PDE3A: variants seen among roughly 807,000 people sequenced by gnomAD.
PDE3A encodes cGMP-inhibited 3',5'-cyclic phosphodiesterase 3A.
A neutral mutation model predicts 98.3 loss-of-function variants in PDE3A; 43 were observed. The ratio of observed to expected loss-of-function variants is 0.44; its 90% confidence interval spans 0.34 to 0.56. The LOEUF is 0.56. Ranked by LOEUF, PDE3A falls within the 20% of genes least tolerant of loss-of-function variation. PDE3A has a pLI of 0.01. For missense variants in PDE3A, 1,427 were observed against 1,440.7 expected (o/e 0.99, Z 0.15); for synonymous variants, 663 against 567.9 (o/e 1.17, Z -2.38).
At chr12:20,548,975 A>G (rs1045750264) in intron 1 of PDE3A, among the ~76,000 whole-genome samples, 15 of 151,638 alleles carry the variant, frequency 9.9e-5, no homozygotes, top group African/African-American at 3.6e-4. Context: ...ATTTTTTTTT[A>G]TTTGTTGTAA....
intron 1 of PDE3A, among the ~76,000 whole-genome samples, chr12:20,374,201 G>T (rs142267879): frequency 2.0e-5 from 3 of 152,030 alleles, no homozygotes; most frequent in Non-Finnish European, 4.4e-5. Flanking sequence ...TGAAGGAAAA[G>T]AATTTTTTGT....
chr12:20,516,985 A>G (rs564268329), intron 1 of PDE3A, among the ~76,000 whole-genome samples: 1 of 152,346 alleles, frequency 6.6e-6, no homozygotes, highest in Middle Eastern at 3.4e-3. Context: ...CTCTTTGTAC[A>G]GATGGGAAAA....
At chr12:20,411,537 T>C (rs533239230) in intron 1 of PDE3A, among the ~76,000 whole-genome samples, 1 of 152,186 alleles carries the variant, frequency 6.6e-6, no homozygotes, top group South Asian at 2.1e-4. Context: ...TTCCTATCTT[T>C]ATGCTGTCGC....
intron 1 of PDE3A, among the ~76,000 whole-genome samples, chr12:20,487,197 G>T (rs1231961260): frequency 6.6e-6 from 1 of 151,836 alleles, no homozygotes; most frequent in South Asian, 2.1e-4. Flanking sequence ...TAGAACTAAA[G>T]AATAATTTAA....
At chr12:20,450,168 G>A in intron 1 of PDE3A, 2 of 345,024 alleles carry the variant, frequency 5.8e-6, no homozygotes, top group Admixed American at 4.4e-5. Context: ...ATTTTGTTGA[G>A]CTTGATGCTT....
At chr12:20,500,471 A>C (rs1946001276) in intron 1 of PDE3A, among the ~76,000 whole-genome samples, 1 of 152,182 alleles carries the variant, frequency 6.6e-6, no homozygotes, top group South Asian at 2.1e-4. Flanking sequence ...TATTACTGAA[A>C]AACAGTTCAT....
rs1407174120 is a variant in PDE3A at position 20,685,096 on chromosome 12, A to T, written c.*4825A>T. The stretch of plus-strand genomic sequence containing the variant: ...CCCACCAGCAAATCATTCTAACAGC[A>T]GGCTAACAATGGTGAAGTAAAATGA... On this transcript the variant is annotated 3_prime_UTR_variant, in exon 16 of 16. Transcript: ENST00000359062. 1.3e-5 allele frequency among the ~76,000 whole-genome samples: 2 copies of T among 152,188 alleles called. No individual in the cohort carries two copies. The highest frequency in any genetic ancestry group is 2.9e-5 in the Non-Finnish European group (2 of 68,038).
At chr12:20,549,048 T>A (rs1374958212) in intron 1 of PDE3A, among the ~76,000 whole-genome samples, 1 of 152,136 alleles carries the variant, frequency 6.6e-6, no homozygotes, top group Non-Finnish European at 1.5e-5. Context: ...TGGTTCTGTT[T>A]AATAGGAGTA....
chr12:20,452,934 A>G (rs558588275), intron 1 of PDE3A, among the ~76,000 whole-genome samples: 14 of 152,332 alleles, frequency 9.2e-5, no homozygotes, highest in Admixed American at 5.9e-4. Flanking sequence ...CCTGCTAAAG[A>G]CACTGCTAAT....
At chr12:20,609,095 T>C (rs1943784207) in intron 2 of PDE3A, among the ~76,000 whole-genome samples, 1 of 152,010 alleles carries the variant, frequency 6.6e-6, no homozygotes, top group East Asian at 1.9e-4. Flanking sequence ...AGTGGCATTT[T>C]TACAAACATT....
At chr12:20,652,968 A>G (rs1210980860) in intron 14 of PDE3A, among the ~76,000 whole-genome samples, 1 of 152,214 alleles carries the variant, frequency 6.6e-6, no homozygotes, top group Non-Finnish European at 1.5e-5. Context: ...AATGGGATTA[A>G]TTCATAAATC....
chr12:20,533,959 C>G (rs1484293930), intron 1 of PDE3A, among the ~76,000 whole-genome samples: 1 of 152,036 alleles, frequency 6.6e-6, no homozygotes, highest in Non-Finnish European at 1.5e-5. Flanking sequence ...GTGCGCCCGT[C>G]TTTTTTCTGA....
chr12:20,472,601 C>T (rs1175391898), intron 1 of PDE3A, among the ~76,000 whole-genome samples: 1 of 152,106 alleles, frequency 6.6e-6, no homozygotes, highest in Non-Finnish European at 1.5e-5. Context: ...ATTATCACAG[C>T]TGCAACTCAT....
At chr12:20,611,290 C>A (rs1943846154) in intron 2 of PDE3A, among the ~76,000 whole-genome samples, 2 of 151,776 alleles carry the variant, frequency 1.3e-5, no homozygotes. Context: ...ATTAATATTA[C>A]ACTTAAATTT....
chr12:20,601,233 TG>T (rs1555097950), intron 2 of PDE3A, among the ~76,000 whole-genome samples: 1 of 70,902 alleles, frequency 1.4e-5, no homozygotes, highest in African/African-American at 7.3e-5. Context: ...CAAGGCTTTT[TG>T]TTTGTTTGTT....
chr12:20,589,686 G>A (rs1943281859), intron 2 of PDE3A, among the ~76,000 whole-genome samples: 1 of 151,624 alleles, frequency 6.6e-6, no homozygotes, highest in African/African-American at 2.4e-5. Context: ...GGCTAACACG[G>A]TGAAACCCCA....
intron 1 of PDE3A, among the ~76,000 whole-genome samples, chr12:20,545,837 T>A (rs1185205228): frequency 6.6e-6 from 1 of 151,646 alleles, no homozygotes; most frequent in African/African-American, 2.4e-5. Flanking sequence ...AAAAGTTTTG[T>A]GGAGAGATAT....
chr12:20,596,084 CAT>C (rs1368715605), intron 2 of PDE3A, among the ~76,000 whole-genome samples: 1 of 152,046 alleles, frequency 6.6e-6, no homozygotes, highest in African/African-American at 2.4e-5. Flanking sequence ...TCTTAAAGAA[CAT>C]GTGCTGAATT....
chr12:20,622,406 A>C (rs1944160017), intron 5 of PDE3A, among the ~76,000 whole-genome samples: 1 of 152,174 alleles, frequency 6.6e-6, no homozygotes, highest in Non-Finnish European at 1.5e-5. Flanking sequence ...ATGGGAACCT[A>C]GTCCCTCAGA....
Sources: gnomAD v4.1 joint callset for allele counts (sites outside exome capture counted in the v4.1 genomes callset) on GRCh38, gnomAD v4.1.1 for gene constraint, MANE v1.5 for transcripts, NCBI Gene and HGNC (gene_info 2026-07-23, HGNC 2026-07-21) for gene names.